Variants in SCLT1 observed in about 807,000 individuals in gnomAD.
SCLT1 encodes sodium channel-associated protein 1.
In SCLT1, 78 loss-of-function variants were observed where a neutral mutation model predicts 112.8. The ratio of observed to expected loss-of-function variants is 0.69; its 90% CI spans 0.58 to 0.83. The LOEUF is 0.83. Ranked by LOEUF, SCLT1 falls within the 40% of genes least tolerant of loss-of-function variation. The pLI is 0.00. For missense variants in SCLT1, 747 were observed against 770.4 expected (o/e 0.97, Z 0.36); for synonymous variants, 257 against 254.7 (o/e 1.01, Z -0.09).
At chr4:129,003,283 G>T (rs62318666) in intron 6 of SCLT1, among the ~76,000 whole-genome samples, 13 of 151,838 alleles carry the variant, frequency 8.6e-5, no homozygotes, top group Non-Finnish European at 1.6e-4. Flanking sequence ...AGGGCCTGTT[G>T]TGGGGTTGAG....
In SCLT1 at chr4:128,997,839, G is replaced by A. The variant is rs1231584998; in HGVS notation, c.615+35C>T. The A allele has an allele frequency of 5.1e-6, 5 of 971,862 alleles. No individual in the cohort carries two copies. In the African/African-American group the frequency reaches 5.2e-5, roughly 10 times the overall value. The allele number at this position is 971,862 out of a possible 1,614,324, so 60.2% of individuals were successfully genotyped here. A position where few individuals can be genotyped will look rare whatever the true frequency, so the allele number is the denominator to read the frequency against. On this transcript the variant is annotated intron_variant, in intron 8 of 20. Transcript: ENST00000281142. ...ATAAATAAATATGATTATTTATAGG[G>A]ACAATTTCTAGTTTATATAAATAAG... is the stretch of plus-strand genomic sequence containing the variant.
Position 128,890,074 on chromosome 4 carries a change from T to C in SCLT1, c.1908+985A>G, listed in dbSNP as rs1733192856. The stretch of plus-strand genomic sequence containing the variant: ...GATGTTTAAATATGTAGCCTCTAAA[T>C]TTTAAGAAGCACATCATATGCTAGA... On this transcript the variant is annotated intron_variant, in intron 19 of 20. Coordinates refer to ENST00000281142, the MANE Select transcript of SCLT1 (RefSeq NM_144643.4). Among the ~76,000 whole-genome samples the C allele has an allele frequency of 2.0e-5, 3 of 152,202 alleles. 1 individual carries two copies. In the South Asian group the frequency reaches 6.2e-4, roughly 31 times the overall value.
intron 5 of SCLT1, among the ~76,000 whole-genome samples, chr4:129,030,394 T>G (rs1325778747): frequency 6.6e-6 from 1 of 151,966 alleles, no homozygotes; most frequent in Non-Finnish European, 1.5e-5. Flanking sequence ...ACATTACAAT[T>G]AAAATAACTA....
At chr4:128,876,257 C>CT (rs1306468730) in intron 4 of SCLT1, among the ~76,000 whole-genome samples, 1 of 152,122 alleles carries the variant, frequency 6.6e-6, no homozygotes, top group Non-Finnish European at 1.5e-5. Flanking sequence ...TTGCTAAAAG[C>CT]TTCTCATTTC....
rs773955938 is a variant in SCLT1, at chr4:128,957,133, A to G, written c.1048-9T>C. The G allele has an allele frequency of 1.4e-6, 2 of 1,470,098 alleles. No homozygotes were observed. The highest frequency in any genetic ancestry group is 1.9e-6 in the Non-Finnish European group (2 of 1,065,322). The allele number at this position is 1,470,098 out of a possible 1,614,324, so 91.1% of individuals were successfully genotyped here. On this transcript the variant is annotated splice_polypyrimidine_tract_variant and intron_variant, in intron 12 of 20. Transcript: ENST00000281142. ...TTCTCCTCAAGTAGAGCCTTCAGAA[A>G]ATAATCATTTCATGTTATAGATAAC...
chr4:129,092,207 C>G (rs565360980), intron 1 of SCLT1, among the ~76,000 whole-genome samples: 28 of 152,202 alleles, frequency 1.8e-4, no homozygotes, highest in Non-Finnish European at 3.7e-4. Context: ...AGACAGGGCC[C>G]TTCACCATCC....
At chr4:128,890,416 C>A (rs1733217770) in intron 19 of SCLT1, among the ~76,000 whole-genome samples, 1 of 152,106 alleles carries the variant, frequency 6.6e-6, no homozygotes, top group Non-Finnish European at 1.5e-5. Context: ...CAATTAACTT[C>A]TAAATGGCTC....
intron 18 of SCLT1, among the ~76,000 whole-genome samples, chr4:128,923,444 CAA>C (rs35945474): frequency 3.7e-5 from 3 of 81,392 alleles, no homozygotes; most frequent in Admixed American, 1.5e-4. Flanking sequence ...GACTCCATCT[CAA>C]AAAAAAAAAA....
chr4:128,971,360 T>C (rs1740677756), intron 9 of SCLT1: 1 of 152,206 alleles, frequency 6.6e-6, no homozygotes, highest in Non-Finnish European at 1.5e-5. Context: ...TCCTTTTGAC[T>C]CTTTGTCTTT....
chr4:129,031,331 T>TA (rs1324260573), intron 5 of SCLT1, among the ~76,000 whole-genome samples: 1 of 152,100 alleles, frequency 6.6e-6, no homozygotes, highest in Non-Finnish European at 1.5e-5. Flanking sequence ...AAGAGGTATT[T>TA]ATGACAAACC....
chr4:128,889,138 G>A (rs576093509), intron 19 of SCLT1, among the ~76,000 whole-genome samples: 32 of 152,270 alleles, frequency 2.1e-4, no homozygotes, highest in South Asian at 8.3e-4. Flanking sequence ...GGGATGAACT[G>A]TTTCTGTATG....
At chr4:128,902,655 ATTACT>A (rs1734411246) in intron 18 of SCLT1, among the ~76,000 whole-genome samples, 1 of 152,218 alleles carries the variant, frequency 6.6e-6, no homozygotes, top group African/African-American at 2.4e-5. Flanking sequence ...GGCCTAGGAC[ATTACT>A]TTACACTTCT....
rs77867866 is a variant in SCLT1, at chr4:128,987,081, A to G, written c.686+5086T>C. Among the ~76,000 whole-genome samples the G allele has an allele frequency of 4.0e-4, 61 of 152,268 alleles. No homozygotes were observed. The East Asian group carries it at 0.011, about 28-fold the overall frequency. On this transcript the variant is annotated intron_variant, in intron 9 of 20. Coordinates refer to ENST00000281142, the MANE Select transcript of SCLT1 (RefSeq NM_144643.4). Reference sequence around the variant, plus strand: ...TAAGAGCTGCAGCATTCCTAGGCTTAGGAATCTAAGCCTAGGAATGGTTCT... The same window carrying G: ...TAAGAGCTGCAGCATTCCTAGGCTTGGGAATCTAAGCCTAGGAATGGTTCT...
At chr4:129,053,110 C>A (rs866688095) in intron 2 of SCLT1, among the ~76,000 whole-genome samples, 1 of 152,034 alleles carries the variant, frequency 6.6e-6, no homozygotes, top group Admixed American at 6.6e-5. Context: ...TTATGATTTC[C>A]ATTCTTTTGA....
chr4:129,061,177 C>G (rs1176491869), intron 2 of SCLT1, among the ~76,000 whole-genome samples: 1 of 152,106 alleles, frequency 6.6e-6, no homozygotes, highest in Admixed American at 6.6e-5. Context: ...ACTATAGACC[C>G]TAGGATGGTA....
At chr4:128,945,118 C>T (rs1738033085) in intron 16 of SCLT1, among the ~76,000 whole-genome samples, 2 of 152,238 alleles carry the variant, frequency 1.3e-5, no homozygotes, top group South Asian at 2.1e-4. Flanking sequence ...AAGAAGACTT[C>T]GATATCTCCT....
intron 18 of SCLT1, among the ~76,000 whole-genome samples, chr4:128,916,500 ATTTAC>A (rs1273100391): frequency 6.6e-6 from 1 of 152,162 alleles, no homozygotes; most frequent in Non-Finnish European, 1.5e-5. Context: ...CTCTGAGTAG[ATTTAC>A]AGTTTCTAAT....
chr4:129,014,813 G>A (rs537835241), intron 5 of SCLT1, among the ~76,000 whole-genome samples: 1 of 152,350 alleles, frequency 6.6e-6, no homozygotes, highest in East Asian at 1.9e-4. Flanking sequence ...AGTAGCAGCA[G>A]CTGTGGCAGA....
At chr4:129,056,674 A>T (rs1162575103) in intron 2 of SCLT1, among the ~76,000 whole-genome samples, 4 of 152,058 alleles carry the variant, frequency 2.6e-5, no homozygotes, top group Admixed American at 6.6e-5. Flanking sequence ...TAACTTTTGC[A>T]TGTTGATTTT....
Sources: allele counts gnomAD v4.1 joint callset (sites outside exome capture counted in the v4.1 genomes callset), GRCh38; gene constraint gnomAD v4.1.1; transcripts MANE v1.5; gene names NCBI Gene and HGNC (gene_info 2026-07-23, HGNC 2026-07-21).